Variants in DLGAP1 observed in about 807,000 individuals in gnomAD.
The protein encoded by DLGAP1 is DLG associated protein 1.
A neutral mutation model predicts 90.8 loss-of-function variants in DLGAP1; 11 were observed. The ratio of observed to expected loss-of-function variants is 0.12; its 90% CI spans 0.08 to 0.20. The LOEUF is 0.20. Ranked by LOEUF, DLGAP1 falls within the 10% of genes least tolerant of loss-of-function variation. The pLI, the probability that DLGAP1 is intolerant of heterozygous loss-of-function variation, is 1.00. For synonymous variants in DLGAP1, 558 were observed against 540.7 expected (o/e 1.03, Z -0.44); for missense variants, 1,050 against 1,333.8 (o/e 0.79, Z 3.31).
intron 9 of DLGAP1, among the ~76,000 whole-genome samples, chr18:3,545,823 A>C (rs2052981717): frequency 1.3e-5 from 2 of 152,376 alleles, no homozygotes; most frequent in Admixed American, 6.5e-5. Flanking sequence ...TCTTAATATC[A>C]GACTAGGTAG....
chr18:4,175,260 TG>T (rs1381547992), intron 1 of DLGAP1, among the ~76,000 whole-genome samples: 2 of 152,180 alleles, frequency 1.3e-5, no homozygotes, highest in Non-Finnish European at 2.9e-5. Flanking sequence ...CCCTTTTTGA[TG>T]GGGTTGTTTT....
At chr18:3,867,140 C>T (rs142464115) in intron 4 of DLGAP1, among the ~76,000 whole-genome samples, 1 of 152,330 alleles carries the variant, frequency 6.6e-6, no homozygotes, top group Non-Finnish European at 1.5e-5. Flanking sequence ...GTGTGAACCA[C>T]TGCGCCCAGC....
Position 4,094,298 on chromosome 18 carries a change from C to T in DLGAP1, c.-159+56882G>A, listed in dbSNP as rs1054758168. Among the ~76,000 whole-genome samples the T allele has an allele frequency of 2.6e-5, 4 of 152,152 alleles. No individual in the cohort carries two copies. The East Asian group carries it at 7.7e-4, about 29-fold the overall frequency. ...TTGTCATGGTCAGAACTTTTGGAAG[C>T]AATAAAAATAGTGAAGATGGTAATT... On this transcript the variant is annotated intron_variant, in intron 2 of 12. Transcript: ENST00000315677.
At chr18:4,099,857 C>T (rs972825416) in intron 2 of DLGAP1, among the ~76,000 whole-genome samples, 3 of 152,090 alleles carry the variant, frequency 2.0e-5, no homozygotes, top group Admixed American at 2.0e-4. Flanking sequence ...GTGTGTGCTG[C>T]CACATGCAAG....
intron 1 of DLGAP1, among the ~76,000 whole-genome samples, chr18:4,389,667 A>G (rs2082301959): frequency 6.6e-6 from 1 of 152,252 alleles, no homozygotes; most frequent in East Asian, 1.9e-4. Context: ...CTACAATGGG[A>G]TGTGTACCTT....
At chr18:4,079,371 A>C (rs2075571373) in intron 2 of DLGAP1, among the ~76,000 whole-genome samples, 1 of 151,382 alleles carries the variant, frequency 6.6e-6, no homozygotes, top group African/African-American at 2.4e-5. Flanking sequence ...AGAATAAAAT[A>C]ATATCTTTTT....
chr18:4,077,296 A>G (rs28503498), intron 2 of DLGAP1, among the ~76,000 whole-genome samples: 26,362 of 152,172 alleles, frequency 0.17, 2,486 homozygotes, highest in African/African-American at 0.24. Context: ...TTTCACTTTC[A>G]TGTTTAACTT....
intron 3 of DLGAP1, among the ~76,000 whole-genome samples, chr18:3,929,978 A>C (rs923971082): frequency 3.9e-5 from 6 of 152,218 alleles, no homozygotes; most frequent in African/African-American, 1.4e-4. Context: ...CTGCAGATAC[A>C]TGGTGCTAGT....
intron 2 of DLGAP1, among the ~76,000 whole-genome samples, chr18:4,145,093 T>G (rs1036180658): frequency 3.9e-5 from 6 of 152,226 alleles, no homozygotes; most frequent in Non-Finnish European, 8.8e-5. Flanking sequence ...ATTGTGAAGG[T>G]CTTGGTTGCC....
At chr18:4,346,372 G>A (rs892422000) in intron 1 of DLGAP1, among the ~76,000 whole-genome samples, 7 of 152,062 alleles carry the variant, frequency 4.6e-5, no homozygotes, top group Non-Finnish European at 8.8e-5. Context: ...GTGAAAAAAA[G>A]AAATAAGGTA....
intron 3 of DLGAP1, among the ~76,000 whole-genome samples, chr18:3,881,967 G>A (rs1043572913): frequency 1.3e-5 from 2 of 152,152 alleles, no homozygotes; most frequent in South Asian, 2.1e-4. Context: ...ATGGCACCTC[G>A]TATCTTTAGG....
intron 7 of DLGAP1, among the ~76,000 whole-genome samples, chr18:3,625,682 T>C (rs1165574522): frequency 6.6e-6 from 1 of 152,128 alleles, no homozygotes; most frequent in Non-Finnish European, 1.5e-5. Context: ...TTAGGCTTAT[T>C]TTTCTTAGAG....
intron 1 of DLGAP1, among the ~76,000 whole-genome samples, chr18:4,278,915 T>C (rs1016203582): frequency 6.6e-6 from 1 of 152,204 alleles, no homozygotes; most frequent in Non-Finnish European, 1.5e-5. Context: ...GCTGGATCTA[T>C]TTTTAAGCAA....
At chr18:3,501,071 C>A (rs190477457) in intron 12 of DLGAP1, among the ~76,000 whole-genome samples, 1 of 151,874 alleles carries the variant, frequency 6.6e-6, no homozygotes, top group East Asian at 1.9e-4. Context: ...TGTACCACCA[C>A]GCCCAGCTAA....
intron 5 of DLGAP1, among the ~76,000 whole-genome samples, chr18:3,759,487 G>A (rs574350036): frequency 3.9e-5 from 6 of 152,258 alleles, no homozygotes; most frequent in Non-Finnish European, 7.4e-5. Flanking sequence ...TTCTTTCAGC[G>A]TGCCAAATAT....
Position 3,517,022 on chromosome 18 carries a change from T to A in DLGAP1, c.2480-8361A>T, listed in dbSNP as rs76440688. Among the ~76,000 whole-genome samples, 2,930 of 152,320 alleles carry A rather than the reference T, an allele frequency of 0.019. 84 individuals carry two copies. Among genetic ancestry groups the A allele is most frequent in the African/African-American group, 0.066 (2,748 of 41,560 alleles). Reference sequence around the variant, plus strand: ...CAGCAATATTTTGGAAGAAATCTTTTTTTCTGAGCCATAGGTCTCAACAGT... The same window carrying A: ...CAGCAATATTTTGGAAGAAATCTTTATTTCTGAGCCATAGGTCTCAACAGT... On this transcript the variant is annotated intron_variant, in intron 10 of 12. Transcript: ENST00000315677. The surrounding 1 kb of genome is among the most constrained non-coding windows in gnomAD (Gnocchi z 4.1).
At chr18:4,194,928 C>T (rs553522912) in intron 1 of DLGAP1, among the ~76,000 whole-genome samples, 12 of 152,078 alleles carry the variant, frequency 7.9e-5, no homozygotes, top group Admixed American at 1.3e-4. Context: ...TTTGTGTGTG[C>T]GTGGTGAGAT....
intron 1 of DLGAP1, among the ~76,000 whole-genome samples, chr18:4,251,180 T>C (rs371019447): frequency 5.9e-5 from 9 of 152,150 alleles, no homozygotes; most frequent in Non-Finnish European, 1.0e-4. Context: ...GAGAGATAGA[T>C]AGACAGAGAG....
intron 5 of DLGAP1, among the ~76,000 whole-genome samples, chr18:3,772,295 TTC>T (rs1440973230): frequency 2.1e-5 from 3 of 140,286 alleles, no homozygotes; most frequent in Non-Finnish European, 4.6e-5. Flanking sequence ...TTTTCTCCTT[TTC>T]TTTCTTTCTC....
Sources: gnomAD v4.1 joint callset for allele counts (sites outside exome capture counted in the v4.1 genomes callset) on GRCh38, gnomAD v4.1.1 for gene constraint, Gnocchi (gnomAD v3.1) non-coding constraint, MANE v1.5 for transcripts, NCBI Gene and HGNC (gene_info 2026-07-23, HGNC 2026-07-21) for gene names.